KIF1B: variants seen among roughly 807,000 people sequenced by gnomAD.
KIF1B encodes kinesin-like protein KIF1B.
KIF1B carries 76 observed loss-of-function variants against 241.9 expected under a neutral mutation model. The ratio of observed to expected loss-of-function variants is 0.31; its 90% CI spans 0.26 to 0.38. KIF1B has a LOEUF of 0.38. KIF1B is among the 10% of genes least tolerant of loss of function. KIF1B has a pLI of 1.00. For missense variants in KIF1B, 1,622 were observed against 2,271.4 expected, an observed-to-expected ratio of 0.71 and a Z score of 5.81; for synonymous variants, 750 against 796.7, an observed-to-expected ratio of 0.94 and a Z score of 0.99.
chr1:10,220,715 C>T (rs923280710), intron 1 of KIF1B, among the ~76,000 whole-genome samples: 7 of 152,024 alleles, frequency 4.6e-5, no homozygotes, highest in Non-Finnish European at 8.8e-5. Flanking sequence ...CAGGCTGTAG[C>T]GCAATGGTAT....
intron 15 of KIF1B, among the ~76,000 whole-genome samples, chr1:10,287,778 C>A (rs945930859): frequency 6.6e-6 from 1 of 152,106 alleles, no homozygotes; most frequent in South Asian, 2.1e-4. Context: ...ACAGTTGCCC[C>A]AAAATAGGAT....
intron 2 of KIF1B, among the ~76,000 whole-genome samples, chr1:10,250,453 C>T (rs949335059): frequency 6.6e-6 from 1 of 151,948 alleles, no homozygotes; most frequent in Non-Finnish European, 1.5e-5. Flanking sequence ...GATCTCTTGC[C>T]TCAGCCTCCC....
intron 1 of KIF1B, among the ~76,000 whole-genome samples, chr1:10,219,910 A>T (rs536483578): frequency 4.6e-5 from 7 of 151,648 alleles, no homozygotes; most frequent in African/African-American, 1.7e-4. Flanking sequence ...TCTATTAAAG[A>T]TAAATTTAGT....
intron 1 of KIF1B, among the ~76,000 whole-genome samples, chr1:10,224,419 T>C (rs555063871): frequency 5.9e-5 from 9 of 151,892 alleles, no homozygotes; most frequent in Non-Finnish European, 7.4e-5. Flanking sequence ...CCCAGCCTGT[T>C]TTGTGTGTGT....
chr1:10,307,517 T>G (rs1412268183), intron 22 of KIF1B: 2 of 485,310 alleles, frequency 4.1e-6, no homozygotes, highest in Non-Finnish European at 5.4e-6. Flanking sequence ...ACCACGTTGG[T>G]CAGGCTGGTC....
Position 10,323,937 on chromosome 1 carries a change from T to G in KIF1B, c.2412T>G (p.Pro804=). 1 of 1,614,164 alleles carries G rather than the reference T, an allele frequency of 6.2e-7. No individual in the cohort carries two copies. The highest frequency in any genetic ancestry group is 8.5e-7 in the Non-Finnish European group (1 of 1,179,980). Reference sequence around the variant, plus strand: ...ACACACTGTACTCCCCTTTGCCTCCTGAATTACTTCCCACTGAGATGGAAA... The same window carrying G: ...ACACACTGTACTCCCCTTTGCCTCCGGAATTACTTCCCACTGAGATGGAAA... ...LTDTLYSPLP[P]ELLPTEMEKT... The change falls in exon 25 of 49, where the codon CCT becomes CCG. Residue 804 remains proline, a synonymous_variant. Coordinates refer to ENST00000676179, the MANE Select transcript of KIF1B (RefSeq NM_001365951.3).
chr1:10,302,798 C>T (rs545321172), intron 22 of KIF1B, among the ~76,000 whole-genome samples: 4 of 152,220 alleles, frequency 2.6e-5, no homozygotes, highest in South Asian at 4.2e-4. Context: ...ATAGTGAGGT[C>T]GTTAAGTCAC....
intron 38 of KIF1B, among the ~76,000 whole-genome samples, chr1:10,358,701 A>C (rs894762383): frequency 5.3e-5 from 8 of 151,666 alleles, no homozygotes; most frequent in African/African-American, 1.2e-4. Context: ...AAAAAAAAAA[A>C]CAGATCTCAC....
intron 15 of KIF1B, among the ~76,000 whole-genome samples, chr1:10,290,148 TTTAA>T (rs776967456): frequency 2.4e-4 from 37 of 152,240 alleles, no homozygotes; most frequent in African/African-American, 5.8e-4. Flanking sequence ...TTAAATTTAA[TTTAA>T]TTAATTTATT....
chr1:10,338,188 AGT>A (rs1347262409), intron 31 of KIF1B, among the ~76,000 whole-genome samples: 2 of 152,164 alleles, frequency 1.3e-5, no homozygotes, highest in African/African-American at 4.8e-5. Context: ...AAGAGACTGA[AGT>A]GTGACCCCTC....
intron 40 of KIF1B, 79 bp downstream of exon 40, chr1:10,361,904 T>TA: frequency 2.0e-6 from 3 of 1,527,184 alleles, no homozygotes; most frequent in Non-Finnish European, 2.7e-6. Flanking sequence ...ATTCTCGGCT[T>TA]ACTGTCTCAC....
intron 24 of KIF1B, among the ~76,000 whole-genome samples, chr1:10,323,280 T>G (rs1046778635): frequency 2.0e-5 from 3 of 152,178 alleles, no homozygotes; most frequent in African/African-American, 7.2e-5. Context: ...GGTCGACCTT[T>G]TGTTCTCTGG....
chr1:10,238,216 AC>A (rs961654701), intron 2 of KIF1B, among the ~76,000 whole-genome samples: 10 of 151,470 alleles, frequency 6.6e-5, no homozygotes, highest in Non-Finnish European at 1.2e-4. Context: ...TCTCATCTGT[AC>A]TAAAAATACA....
In KIF1B at chr1:10,332,501, A is replaced by ATTTTT. The variant is rs568393252; in HGVS notation, c.2925-1991_2925-1987dup. ...GTCACCCTGCCTGAAGATAATAGTC[A>ATTTTT]TTTTTTTTTTTTTTTTTTTTTTTTT... On this transcript the variant is annotated intron_variant, in intron 27 of 48. Coordinates refer to ENST00000676179, the MANE Select transcript of KIF1B (RefSeq NM_001365951.3). 8.3e-4 allele frequency among the ~76,000 whole-genome samples: 49 copies of ATTTTT among 58,692 alleles called. 4 individuals are homozygous for ATTTTT. Among genetic ancestry groups the ATTTTT allele is most frequent in the African/African-American group, 2.9e-3 (45 of 15,258 alleles). The allele number at this position is 58,692 out of a possible 152,430, so 38.5% of individuals were successfully genotyped here.
At chr1:10,221,010 A>G (rs768836221) in intron 1 of KIF1B, among the ~76,000 whole-genome samples, 7 of 151,136 alleles carry the variant, frequency 4.6e-5, no homozygotes, top group Non-Finnish European at 7.4e-5. Flanking sequence ...CTGTTTAGCC[A>G]TATTGGAGAT....
chr1:10,292,871 T>C (rs542537252), intron 17 of KIF1B, among the ~76,000 whole-genome samples: 30 of 152,334 alleles, frequency 2.0e-4, no homozygotes, highest in African/African-American at 7.0e-4. Flanking sequence ...AAAGCATGTA[T>C]TTTATGCCAC....
At chr1:10,236,309 C>A (rs1412419662) in intron 2 of KIF1B, among the ~76,000 whole-genome samples, 1 of 151,478 alleles carries the variant, frequency 6.6e-6, no homozygotes, top group African/African-American at 2.4e-5. Flanking sequence ...ACAACAAAAA[C>A]CCATATAGTA....
chr1:10,328,040 A>G (rs1323896718), intron 27 of KIF1B, among the ~76,000 whole-genome samples: 2 of 152,098 alleles, frequency 1.3e-5, no homozygotes, highest in African/African-American at 2.4e-5. Context: ...TTAAAAAACA[A>G]TTAGCTGGGT....
In KIF1B at chr1:10,374,548, G is replaced by T; in HGVS notation, c.5096+83G>T. 1 of 1,455,564 alleles carries T rather than the reference G, an allele frequency of 6.9e-7. No individual in the cohort carries two copies. The allele number at this position is 1,455,564 out of a possible 1,614,324, so 90.2% of individuals were successfully genotyped here. ...TGACTGGCCAGCTCTTCCCTGTGAG[G>T]TCTGTACTGTAGTCTGATGCAATCT... On this transcript the variant is annotated intron_variant, in intron 46 of 48. Transcript: ENST00000676179. This position sits in a 1 kb window ranked among gnomAD's most constrained non-coding sequence, Gnocchi z 4.3.
Sources: allele counts gnomAD v4.1 joint callset (sites outside exome capture counted in the v4.1 genomes callset), GRCh38; gene constraint gnomAD v4.1.1; non-coding constraint Gnocchi (gnomAD v3.1); transcripts MANE v1.5; gene names NCBI Gene and HGNC (gene_info 2026-07-23, HGNC 2026-07-21).